Variants in PLCB1 observed in about 807,000 individuals in gnomAD.
PLCB1 encodes the protein phospholipase C beta 1, also known as 1-phosphatidylinositol 4,5-bisphosphate phosphodiesterase beta-1.
In PLCB1, 46 loss-of-function variants were observed where a neutral mutation model predicts 161.8. The observed-to-expected ratio is 0.28, with a 90% CI of 0.22 to 0.36. The LOEUF is 0.36. Ranked by LOEUF, PLCB1 falls within the 10% of genes least tolerant of loss-of-function variation. The pLI is 1.00. For missense variants in PLCB1, 1,016 were observed against 1,472.5 expected, an observed-to-expected ratio of 0.69 and a Z score of 5.07; for synonymous variants, 517 against 503.7, an observed-to-expected ratio of 1.03 and a Z score of -0.35.
chr20:8,255,139 T>C (rs1981348747), intron 2 of PLCB1, among the ~76,000 whole-genome samples: 1 of 152,100 alleles, frequency 6.6e-6, no homozygotes, highest in African/African-American at 2.4e-5. Context: ...CTAACTCCAG[T>C]GTTTTTCAAA....
rs544580892 is a variant in PLCB1 at position 8,499,692 on chromosome 20, A to C, written c.246+128242A>C. 2.6e-5 allele frequency among the ~76,000 whole-genome samples: 4 copies of C among 152,218 alleles called. 1 individual carries two copies. Among genetic ancestry groups the C allele is most frequent in the Admixed American group, 2.0e-4 (3 of 15,282 alleles). Reference sequence around the variant, plus strand: ...TATACTCAACTCTGACATTTGTAATAAGTGAATAGGCTAACTTGCTGCAAT... The same window carrying C: ...TATACTCAACTCTGACATTTGTAATCAGTGAATAGGCTAACTTGCTGCAAT... On this transcript the variant is annotated intron_variant, in intron 3 of 31. Coordinates refer to ENST00000338037, the MANE Select transcript of PLCB1 (RefSeq NM_015192.4).
At chr20:8,170,576 G>A (rs1236985594) in intron 2 of PLCB1, among the ~76,000 whole-genome samples, 2 of 152,156 alleles carry the variant, frequency 1.3e-5, no homozygotes, top group Admixed American at 6.6e-5. Context: ...GAAATAGGCT[G>A]TGTGCTGAAC....
At chr20:8,308,618 CAAAA>C (rs71183088) in intron 2 of PLCB1, among the ~76,000 whole-genome samples, 4 of 73,600 alleles carry the variant, frequency 5.4e-5, no homozygotes, top group African/African-American at 1.8e-4. Context: ...TTCCGTATAT[CAAAA>C]AAAAAAAAAA....
At chr20:8,462,056 A>T (rs949982058) in intron 3 of PLCB1, among the ~76,000 whole-genome samples, 1 of 151,920 alleles carries the variant, frequency 6.6e-6, no homozygotes, top group African/African-American at 2.4e-5. Flanking sequence ...ATATATGTAT[A>T]TATGTAAATA....
chr20:8,782,127 T>C (rs1212640008), intron 27 of PLCB1, among the ~76,000 whole-genome samples: 1 of 152,196 alleles, frequency 6.6e-6, no homozygotes, highest in Non-Finnish European at 1.5e-5. Flanking sequence ...GCTATGGAAA[T>C]TTTAAAAATA....
rs559645546 is a variant in PLCB1, at chr20:8,291,632, T to G, written c.178-79750T>G. ...AACTTCTTGTGTTTTGTTACACAACTCGATGGCACATTTTCATTTTTGTTT... is the reference window on the plus strand; with the variant it reads ...AACTTCTTGTGTTTTGTTACACAACGCGATGGCACATTTTCATTTTTGTTT... On this transcript the variant is annotated intron_variant, in intron 2 of 31. Coordinates refer to ENST00000338037, the MANE Select transcript of PLCB1 (RefSeq NM_015192.4). Among the ~76,000 whole-genome samples the G allele has an allele frequency of 1.1e-4, 16 of 152,336 alleles. No homozygotes were observed. The South Asian group carries it at 3.3e-3, about 32-fold the overall frequency.
intron 2 of PLCB1, among the ~76,000 whole-genome samples, chr20:8,295,795 G>T (rs1983598895): frequency 2.6e-5 from 4 of 151,824 alleles, no homozygotes; most frequent in Admixed American, 2.0e-4. Flanking sequence ...CTGTAGTTTT[G>T]ACCTCCCGAA....
chr20:8,349,796 T>C (rs1986121544), intron 2 of PLCB1, among the ~76,000 whole-genome samples: 1 of 152,050 alleles, frequency 6.6e-6, no homozygotes, highest in Admixed American at 6.5e-5. Flanking sequence ...ATCAATACTC[T>C]GAGAAGGAGA....
intron 2 of PLCB1, among the ~76,000 whole-genome samples, chr20:8,271,365 A>T (rs1982271987): frequency 6.6e-6 from 1 of 152,156 alleles, no homozygotes; most frequent in Non-Finnish European, 1.5e-5. Context: ...AAGGGTGTGT[A>T]CATACCTACC....
chr20:8,275,246 C>CATGA (rs1555794519), intron 2 of PLCB1, among the ~76,000 whole-genome samples: 3 of 50,870 alleles, frequency 5.9e-5, no homozygotes, highest in Non-Finnish European at 1.1e-4. Flanking sequence ...TTTGCATCAG[C>CATGA]GTGAGTGTGT....
chr20:8,818,968 C>T (rs184606208), intron 31 of PLCB1, among the ~76,000 whole-genome samples: 12 of 151,412 alleles, frequency 7.9e-5, no homozygotes, highest in Admixed American at 5.3e-4. Context: ...AAAGTTCTCC[C>T]AAATTGATCT....
At chr20:8,535,793 C>T (rs1024159153) in intron 3 of PLCB1, among the ~76,000 whole-genome samples, 1 of 152,054 alleles carries the variant, frequency 6.6e-6, no homozygotes, top group African/African-American at 2.4e-5. Flanking sequence ...GAGAAAATAA[C>T]AGGATGCTAT....
At chr20:8,832,015 G>A (rs7269221) in intron 31 of PLCB1, among the ~76,000 whole-genome samples, 856 of 62,330 alleles carry the variant, frequency 0.014, 2 homozygotes, top group Middle Eastern at 0.033. Flanking sequence ...TCTTTCTTTC[G>A]TATTGCTCCT....
intron 10 of PLCB1, among the ~76,000 whole-genome samples, chr20:8,685,843 A>T (rs1425033804): frequency 6.6e-6 from 1 of 152,210 alleles, no homozygotes; most frequent in African/African-American, 2.4e-5. Flanking sequence ...TTTATTGTAA[A>T]TATTATAATA....
chr20:8,870,125 A>T (rs1027030286), intron 31 of PLCB1, among the ~76,000 whole-genome samples: 5 of 152,168 alleles, frequency 3.3e-5, no homozygotes. Flanking sequence ...GAGAATCATA[A>T]AGCAAAGGCT....
intron 2 of PLCB1, among the ~76,000 whole-genome samples, chr20:8,280,258 C>A (rs1015934183): frequency 2.0e-5 from 3 of 151,664 alleles, no homozygotes; most frequent in Non-Finnish European, 2.9e-5. Context: ...ATTGCTTGAA[C>A]CTGGAGGCAG....
chr20:8,495,814 T>C (rs1280589684), intron 3 of PLCB1, among the ~76,000 whole-genome samples: 2 of 152,170 alleles, frequency 1.3e-5, no homozygotes, highest in African/African-American at 4.8e-5. Flanking sequence ...CTCTATTCCA[T>C]CCTTTCTGCA....
intron 9 of PLCB1, among the ~76,000 whole-genome samples, chr20:8,677,071 G>A (rs1215544165): frequency 6.6e-6 from 1 of 152,188 alleles, no homozygotes; most frequent in Non-Finnish European, 1.5e-5. Flanking sequence ...AAAAAAATTA[G>A]ATGGAAGATT....
At chr20:8,152,655 C>T (rs952868911) in intron 2 of PLCB1, among the ~76,000 whole-genome samples, 2 of 152,004 alleles carry the variant, frequency 1.3e-5, no homozygotes, top group African/African-American at 4.8e-5. Context: ...AAATGTGATA[C>T]CTTTAAGTTT....
Sources: gnomAD v4.1 joint callset for allele counts (sites outside exome capture counted in the v4.1 genomes callset) on GRCh38, gnomAD v4.1.1 for gene constraint, MANE v1.5 for transcripts, NCBI Gene and HGNC (gene_info 2026-07-23, HGNC 2026-07-21) for gene names.